Variants in PLOD1 observed in about 807,000 individuals in gnomAD.
PLOD1 encodes procollagen-lysine,2-oxoglutarate 5-dioxygenase 1, also known as lysine hydroxylase.
A neutral mutation model predicts 94.7 loss-of-function variants in PLOD1; 70 were observed. That is an observed-to-expected ratio of 0.74 (90% CI 0.61 to 0.90). The LOEUF (loss-of-function observed/expected upper bound fraction) is 0.90. PLOD1 is among the 40% of genes least tolerant of loss of function. PLOD1 has a pLI of 0.00. For synonymous variants in PLOD1, 417 were observed against 400.2 expected (o/e 1.04, Z -0.50); for missense variants, 905 against 972.7 (o/e 0.93, Z 0.93).
At chr1:11,948,383 G>A (rs992306692) in intron 2 of PLOD1, among the ~76,000 whole-genome samples, 1 of 152,122 alleles carries the variant, frequency 6.6e-6, no homozygotes, top group African/African-American at 2.4e-5. Flanking sequence ...GTACCACCCC[G>A]TAATTTGGGG....
intron 5 of PLOD1, 144 bp from the exon 6 acceptor site, chr1:11,954,686 C>CT: frequency 1.3e-6 from 1 of 786,584 alleles, no homozygotes; most frequent in Non-Finnish European, 2.3e-6. Flanking sequence ...CTCTGGGCAC[C>CT]TAGCTGCCCT....
At chr1:11,949,666 C>G in intron 2 of PLOD1, 107 bp from the exon 3 acceptor site, 2 of 1,146,420 alleles carry the variant, frequency 1.7e-6, no homozygotes, top group Non-Finnish European at 1.3e-6. Context: ...GTGGTCCACA[C>G]GTCTCGGCCT....
chr1:11,953,179 T>C (rs1224318484), intron 5 of PLOD1, among the ~76,000 whole-genome samples: 1 of 152,018 alleles, frequency 6.6e-6, no homozygotes, highest in African/African-American at 2.4e-5. Context: ...CCTCAGCGTC[T>C]CGAGTAGCGG....
intron 1 of PLOD1, among the ~76,000 whole-genome samples, chr1:11,940,984 G>A (rs1050288158): frequency 3.3e-5 from 5 of 152,184 alleles, no homozygotes; most frequent in African/African-American, 1.2e-4. Context: ...ACAGGGAAAT[G>A]AAGACAAGAG....
intron 16 of PLOD1, among the ~76,000 whole-genome samples, chr1:11,968,523 T>C (rs1298233661): frequency 1.3e-5 from 2 of 151,708 alleles, no homozygotes; most frequent in Non-Finnish European, 2.9e-5. Context: ...TTTTTCTTTT[T>C]TTTTTTTTTG....
intron 1 of PLOD1, among the ~76,000 whole-genome samples, chr1:11,943,021 C>G (rs965229842): frequency 9.9e-5 from 15 of 152,146 alleles, no homozygotes; most frequent in African/African-American, 3.6e-4. Flanking sequence ...GAGACTTGCT[C>G]TGTCACCCAG....
Position 11,963,677 on chromosome 1 carries a change from G to T in PLOD1, c.1202+41G>T. On this transcript the variant is annotated intron_variant, in intron 11 of 18. Coordinates refer to ENST00000196061, the MANE Select transcript of PLOD1 (RefSeq NM_000302.4). This position sits in a 1 kb window ranked among gnomAD's most constrained non-coding sequence, Gnocchi z 4.3. ...CTGCACCCAGCACTGCTCAGGACTG[G>T]CCTGGTCCTGGGGTGGCAGCCCTCC... 7.3e-7 allele frequency: 1 copy of T among 1,371,688 alleles called. No homozygotes were observed. Among genetic ancestry groups the T allele is most frequent in the Non-Finnish European group, 1.0e-6 (1 of 978,526 alleles). 85.0% of individuals were successfully genotyped at this position (1,371,688 alleles called of 1,614,324 possible). A position where few individuals can be genotyped will look rare whatever the true frequency, so the allele number is the denominator to read the frequency against.
chr1:11,966,633 A>G (rs1273475133), intron 15 of PLOD1, among the ~76,000 whole-genome samples: 3 of 152,090 alleles, frequency 2.0e-5, no homozygotes, highest in African/African-American at 7.2e-5. Context: ...GGAGGAAAAC[A>G]TCCTGGATGT....
At chr1:11,964,330 G>GGGGGGGGGGGGGGGGGGGGC in intron 12 of PLOD1, 30 bp downstream of exon 12, 1 of 1,424,848 alleles carries the variant, frequency 7.0e-7, no homozygotes, top group Non-Finnish European at 9.9e-7. Context: ...GGGTGGGTGG[G>GGGGGGGGGGGGGGGGGGGGC]GGACACCTTC....
At chr1:11,966,420 A>T in intron 15 of PLOD1, 104 bp downstream of exon 15, 5 of 384,590 alleles carry the variant, frequency 1.3e-5, no homozygotes, top group African/African-American at 2.5e-5. Flanking sequence ...GCAGGATGGG[A>T]GTTGGGGGTG....
chr1:11,961,025 G>A (rs892868306), intron 10 of PLOD1, among the ~76,000 whole-genome samples: 1 of 152,054 alleles, frequency 6.6e-6, no homozygotes, highest in Non-Finnish European at 1.5e-5. Context: ...AGGAAGGACT[G>A]GGGGCAAAAG....
chr1:11,935,840 G>T (rs1645574429), intron 1 of PLOD1, among the ~76,000 whole-genome samples: 1 of 152,118 alleles, frequency 6.6e-6, no homozygotes, highest in Non-Finnish European at 1.5e-5. Context: ...GGCCAGGCTG[G>T]TCTTGAACTT....
chr1:11,956,244 T>C (rs1453028085), intron 6 of PLOD1, among the ~76,000 whole-genome samples: 1 of 151,810 alleles, frequency 6.6e-6, no homozygotes, highest in Non-Finnish European at 1.5e-5. Flanking sequence ...ATTAGCTGGG[T>C]GTGGTGGCAT....
At position 11,958,567 on chromosome 1, in the gene PLOD1, C is replaced by T. The variant is rs1226980546; in HGVS notation, c.895C>T (p.Pro299Ser). ...CGGCGTGTTCATCGAACAGCCCACG[C>T]CGTTTGTGTCCCTGTTCTTCCAGCG... The part of the protein sequence containing the change: ...LVGVFIEQPT[P>S]FVSLFFQRLL... Residue 299 changes from proline to serine, a missense_variant, in exon 9 of 19, where the codon CCG becomes TCG. Pro to Ser is a moderately conservative substitution (Grantham distance 74, BLOSUM62 -1). Coordinates refer to ENST00000196061, the MANE Select transcript of PLOD1 (RefSeq NM_000302.4). The surrounding 1 kb of genome is among the most constrained non-coding windows in gnomAD (Gnocchi z 4.3). 6.2e-7 allele frequency: 1 copy of T among 1,614,094 alleles called. No individual in the cohort carries two copies. The highest frequency in any genetic ancestry group is 8.5e-7 in the Non-Finnish European group (1 of 1,179,996).
Position 11,973,009 on chromosome 1 carries a change from C to G in PLOD1, c.2028+12C>G, listed in dbSNP as rs1183037637. 6.2e-7 allele frequency: 1 copy of G among 1,613,708 alleles called. No individual in the cohort carries two copies. The highest frequency in any genetic ancestry group is 1.7e-5 in the Admixed American group (1 of 59,988). Reference sequence around the variant, plus strand: ...GGGTGGATTACGAGGTGAGCAGGAGCCAGCCGGGGTCAAGGGGCCGGCAAT... The same window carrying G: ...GGGTGGATTACGAGGTGAGCAGGAGGCAGCCGGGGTCAAGGGGCCGGCAAT... On this transcript the variant is annotated intron_variant, in intron 18 of 18. Transcript: ENST00000196061.
At chr1:11,951,597 A>G (rs938582719) in intron 4 of PLOD1, among the ~76,000 whole-genome samples, 2 of 146,232 alleles carry the variant, frequency 1.4e-5, no homozygotes, top group African/African-American at 5.0e-5. Flanking sequence ...TGTAAAATAT[A>G]TTATATATAT....
At chr1:11,955,269 C>T (rs1645730397) in intron 6 of PLOD1, among the ~76,000 whole-genome samples, 1 of 152,216 alleles carries the variant, frequency 6.6e-6, no homozygotes, top group South Asian at 2.1e-4. Flanking sequence ...GGACAGGCAG[C>T]TTGGGAAGCA....
Position 11,948,003 on chromosome 1 carries a change from C to A in PLOD1, c.104C>A (p.Thr35Asn), listed in dbSNP as rs1557485483. The A allele has an allele frequency of 6.2e-7, 1 of 1,613,660 alleles. No homozygotes were observed. Among genetic ancestry groups the A allele is most frequent in the African/African-American group, 1.3e-5 (1 of 75,038 alleles). Residue 35 changes from threonine (T) to asparagine (N), a missense_variant, in exon 2 of 19, where the codon ACT becomes AAT. Coordinates refer to ENST00000196061, the MANE Select transcript of PLOD1 (RefSeq NM_000302.4). ...EDNLLVLTVA[T>N]KETEGFRRFK... Reference sequence around the variant, plus strand: ...AACCTTTTAGTCCTCACGGTGGCCACTAAGGAGACCGAGGGATTCCGTCGC... The same window carrying A: ...AACCTTTTAGTCCTCACGGTGGCCAATAAGGAGACCGAGGGATTCCGTCGC...
intron 10 of PLOD1, 98 bp downstream of exon 10, chr1:11,960,865 C>T (rs1645773690): frequency 1.9e-6 from 3 of 1,557,224 alleles, no homozygotes; most frequent in Admixed American, 1.7e-5. Flanking sequence ...GTTCAGAAGG[C>T]TGTGTGTGCT....
Sources: allele counts gnomAD v4.1 joint callset (sites outside exome capture counted in the v4.1 genomes callset), GRCh38; gene constraint gnomAD v4.1.1; non-coding constraint Gnocchi (gnomAD v3.1); transcripts MANE v1.5; gene names NCBI Gene and HGNC (gene_info 2026-07-23, HGNC 2026-07-21).